CHM: variants seen among roughly 807,000 people sequenced by gnomAD.
CHM encodes the protein rab proteins geranylgeranyltransferase component A 1.
CHM carries 10 observed loss-of-function variants against 49.0 expected under a neutral mutation model. The observed-to-expected ratio is 0.20, with a 90% CI of 0.13 to 0.35. The LOEUF is 0.35. CHM is among the 10% of genes least tolerant of loss of function. The probability of loss-of-function intolerance (pLI) is 1.00; values close to 1 mark genes in which losing one functional copy is unlikely to be tolerated. For missense variants in CHM, 455 were observed against 478.4 expected (o/e 0.95, Z 0.46); for synonymous variants, 184 against 167.5 (o/e 1.10, Z -0.76).
At chrX:85,977,932 TAACA>T (rs1931368709) in intron 4 of CHM, among the ~76,000 whole-genome samples, 1 of 111,944 alleles carries the variant, frequency 8.9e-6, no homozygotes, top group African/African-American at 3.3e-5. Flanking sequence ...GGCTCATGCT[TAACA>T]CTCTGCCACA....
At chrX:86,007,525 A>T (rs1932888028) in intron 2 of CHM, among the ~76,000 whole-genome samples, 1 of 112,170 alleles carries the variant, frequency 8.9e-6, no homozygotes, top group Admixed American at 9.4e-5. Context: ...ACAAAGGGCT[A>T]ATATCCAGAA....
At chrX:86,008,677 G>T (rs972243424) in intron 2 of CHM, among the ~76,000 whole-genome samples, 2 of 111,385 alleles carry the variant, frequency 1.8e-5, no homozygotes, top group South Asian at 7.5e-4. Context: ...CTAGTGGAGG[G>T]TCAGCAAACA....
chrX:85,908,008 T>G (rs1926709728), intron 9 of CHM, among the ~76,000 whole-genome samples: 2 of 111,242 alleles, frequency 1.8e-5, no homozygotes, highest in Admixed American at 1.9e-4. Context: ...CAGAATAAAC[T>G]CAGAACTTTG....
intron 2 of CHM, among the ~76,000 whole-genome samples, chrX:85,984,436 C>A (rs780152007): frequency 9.0e-6 from 1 of 110,765 alleles, no homozygotes; most frequent in African/African-American, 3.3e-5. Flanking sequence ...TACGTAGCCA[C>A]CAAAATAATT....
intron 1 of CHM, among the ~76,000 whole-genome samples, chrX:86,028,561 CAT>C (rs751668625): frequency 6.1e-4 from 68 of 111,276 alleles, no homozygotes; most frequent in Non-Finnish European, 1.1e-3. Flanking sequence ...CATAAAAAGA[CAT>C]ATATATATTA....
At position 85,882,100 on chromosome X, in the gene CHM, A is replaced by C. The variant is rs913676010; in HGVS notation, c.1511-3037T>G. ...CGATGTTAGAAATTATATTCTTTGC[A>C]ATTATTTGACTCTTCTGATGAAAAA... On this transcript the variant is annotated intron_variant, in intron 12 of 14. Coordinates refer to ENST00000357749, the MANE Select transcript of CHM (RefSeq NM_000390.4). Among the ~76,000 whole-genome samples the C allele has an allele frequency of 3.6e-5, 4 of 111,601 alleles. No individual in the cohort carries two copies. In the Admixed American group the frequency reaches 3.8e-4, roughly 11 times the overall value.
chrX:85,892,004 C>T (rs1448359425), intron 12 of CHM, among the ~76,000 whole-genome samples: 1 of 111,568 alleles, frequency 9.0e-6, no homozygotes, highest in Non-Finnish European at 1.9e-5. Flanking sequence ...ATTTGACTGC[C>T]CCGCTGGAAT....
chrX:85,899,337 C>G (rs1022187390), intron 11 of CHM, among the ~76,000 whole-genome samples: 2 of 111,329 alleles, frequency 1.8e-5, no homozygotes, highest in African/African-American at 6.5e-5. Flanking sequence ...GAAATACATT[C>G]AAACCAGGCC....
intron 12 of CHM, among the ~76,000 whole-genome samples, chrX:85,888,494 G>T (rs1925239490): frequency 9.0e-6 from 1 of 111,383 alleles, no homozygotes. Flanking sequence ...GGTTATCCCG[G>T]TTTTTCCTGA....
intron 8 of CHM, among the ~76,000 whole-genome samples, chrX:85,937,021 C>A (rs1928817101): frequency 9.0e-6 from 1 of 111,028 alleles, no homozygotes; most frequent in Admixed American, 9.6e-5. Flanking sequence ...AATCCCAGCA[C>A]TTTGGGAGGC....
Position 85,957,888 on chromosome X carries a change from T to C in CHM, c.907A>G (p.Met303Val). 3.3e-6 allele frequency: 4 copies of C among 1,209,549 alleles called. No homozygotes were observed. The highest frequency in any genetic ancestry group is 4.5e-6 in the Non-Finnish European group (4 of 893,991). Residue 303 changes from methionine (M) to valine (V), a missense_variant, in exon 7 of 15, where the codon ATG becomes GTG. Transcript: ENST00000357749. ...RMLMKFLTFC[M>V]EYEKYPDEYK... ...TCATCAGGATATTTCTCATATTCCATACAAAATGTAAGAAATTTCATTAGC... is the reference window on the plus strand; with the variant it reads ...TCATCAGGATATTTCTCATATTCCACACAAAATGTAAGAAATTTCATTAGC...
chrX:85,933,286 T>C (rs964930846), intron 8 of CHM, among the ~76,000 whole-genome samples: 7 of 112,237 alleles, frequency 6.2e-5, no homozygotes, highest in African/African-American at 1.9e-4. Flanking sequence ...TAACACAGTT[T>C]GGAAATTATT....
At chrX:85,998,885 T>C (rs1322027155) in intron 2 of CHM, among the ~76,000 whole-genome samples, 1 of 111,930 alleles carries the variant, frequency 8.9e-6, no homozygotes, top group Non-Finnish European at 1.9e-5. Context: ...GGATGACATG[T>C]ATATCTTACA....
chrX:85,925,768 G>A (rs1928042102), intron 8 of CHM, among the ~76,000 whole-genome samples: 1 of 111,797 alleles, frequency 8.9e-6, no homozygotes, highest in African/African-American at 3.2e-5. Context: ...AATCCAGAAA[G>A]AATATACTTC....
intron 1 of CHM, among the ~76,000 whole-genome samples, chrX:86,039,075 T>C (rs958222584): frequency 7.5e-4 from 84 of 112,584 alleles, no homozygotes; most frequent in African/African-American, 2.5e-3. Context: ...TAGTATCTAC[T>C]GCAGGGTTAC....
intron 13 of CHM, among the ~76,000 whole-genome samples, chrX:85,877,322 A>C (rs1924478706): frequency 9.0e-6 from 1 of 111,727 alleles, no homozygotes; most frequent in African/African-American, 3.3e-5. Context: ...CATTATGTTA[A>C]GTGAAATAAG....
Position 85,978,792 on chromosome X carries a change from G to A in CHM, c.289C>T (p.His97Tyr). 8.3e-7 allele frequency: 1 copy of A among 1,205,679 alleles called. No homozygotes were observed. Among genetic ancestry groups the A allele is most frequent in the Non-Finnish European group, 1.1e-6 (1 of 891,172 alleles). Residue 97 changes from histidine (H) to tyrosine (Y), a missense_variant, in exon 4 of 15, where the codon CAT becomes TAT. By Grantham distance (83) the His-to-Tyr change is moderately conservative. Transcript: ENST00000357749. ...ALSRKDKTIQ[H>Y]VEVFCYASQD... ...CTGGCATAACAAAATACTTCCACAT[G>A]TTGAATAGTTTTGTCCTTCCTGCTA...
intron 8 of CHM, among the ~76,000 whole-genome samples, chrX:85,933,860 T>A (rs1928581493): frequency 8.9e-6 from 1 of 112,480 alleles, no homozygotes; most frequent in African/African-American, 3.2e-5. Flanking sequence ...CAAAATTTAA[T>A]TTCTATGAAA....
At chrX:85,890,797 G>A (rs1393092713) in intron 12 of CHM, among the ~76,000 whole-genome samples, 2 of 111,930 alleles carry the variant, frequency 1.8e-5, no homozygotes, top group Non-Finnish European at 3.8e-5. Flanking sequence ...ATGTGAAAGC[G>A]ACTTTGGAAT....
Sources: allele counts gnomAD v4.1 joint callset (sites outside exome capture counted in the v4.1 genomes callset), GRCh38; gene constraint gnomAD v4.1.1; transcripts MANE v1.5; gene names NCBI Gene and HGNC (gene_info 2026-07-23, HGNC 2026-07-21).